The following OR9Q1 variants were observed in gnomAD, a reference collection of about 807,000 sequenced individuals.
OR9Q1 encodes the protein olfactory receptor family 9 subfamily Q member 1.
For synonymous variants in OR9Q1, 153 were observed against 148.6 expected (o/e 1.03, Z -0.22); for missense variants, 374 against 378.8 (o/e 0.99, Z 0.11).
intron 1 of OR9Q1, chr11:58,045,431 A>G (rs1365722508): frequency 2.0e-5 from 3 of 152,196 alleles, no homozygotes; most frequent in African/African-American, 7.2e-5. Flanking sequence ...ACAGGGTTTC[A>G]CCATATTGGC....
intron 1 of OR9Q1, among the ~76,000 whole-genome samples, chr11:58,045,497 G>T (rs556875451): frequency 9.2e-5 from 14 of 152,290 alleles, no homozygotes; most frequent in Admixed American, 3.9e-4. Context: ...GCCTCCAAAA[G>T]TGCTGAGATC....
chr11:58,119,142 G>A (rs758585477), intron 2 of OR9Q1: 10 of 1,613,908 alleles, frequency 6.2e-6, no homozygotes, highest in Non-Finnish European at 8.5e-6. Flanking sequence ...TGAATAAAAA[G>A]AACTGGGCAG....
intron 2 of OR9Q1, among the ~76,000 whole-genome samples, chr11:58,130,884 A>T (rs944701317): frequency 9.2e-5 from 14 of 152,130 alleles, no homozygotes; most frequent in Non-Finnish European, 1.8e-4. Flanking sequence ...AATGTCTATA[A>T]TCATTAATGT....
At chr11:58,110,047 T>C (rs1236103818) in intron 2 of OR9Q1, among the ~76,000 whole-genome samples, 2 of 152,154 alleles carry the variant, frequency 1.3e-5, no homozygotes, top group African/African-American at 4.8e-5. Flanking sequence ...TGTGGCTTCT[T>C]AGGCTGTGGC....
intron 2 of OR9Q1, among the ~76,000 whole-genome samples, chr11:58,178,902 T>TTATA (rs1191244945): frequency 6.9e-6 from 1 of 144,296 alleles, no homozygotes; most frequent in Non-Finnish European, 1.5e-5. Flanking sequence ...TATTTATATA[T>TTATA]TATATATATT....
chr11:58,145,439 C>G (rs570167655), intron 2 of OR9Q1: 2 of 152,304 alleles, frequency 1.3e-5, no homozygotes, highest in East Asian at 1.9e-4. Flanking sequence ...TGAGCCCCAT[C>G]AAGCCAGAAG....
chr11:58,086,772 C>A (rs1853637977), intron 2 of OR9Q1, among the ~76,000 whole-genome samples: 1 of 151,668 alleles, frequency 6.6e-6, no homozygotes, highest in Non-Finnish European at 1.5e-5. Flanking sequence ...ACAAAAATAC[C>A]ACATTTGTAT....
chr11:58,138,370 C>T (rs1854209087), intron 2 of OR9Q1, among the ~76,000 whole-genome samples: 2 of 152,130 alleles, frequency 1.3e-5, no homozygotes, highest in Non-Finnish European at 2.9e-5. Flanking sequence ...TGACTGTGGT[C>T]TTGGGAAAGT....
intron 2 of OR9Q1, among the ~76,000 whole-genome samples, chr11:58,111,869 G>A (rs534499693): frequency 1.0e-3 from 152 of 151,958 alleles, no homozygotes; most frequent in Non-Finnish European, 2.1e-3. Flanking sequence ...TGATTATTTA[G>A]CCACGAGTCC....
rs188005094 is a variant in OR9Q1 at position 58,086,226 on chromosome 11, G to T, written c.-15+30279G>T. ...GGACCGAAATATACATTTCTCAAAA[G>T]AAGACATACAAATGACCAACAGATA... On this transcript the variant is annotated intron_variant, in intron 2 of 2. Coordinates refer to ENST00000335397, the MANE Select transcript of OR9Q1 (RefSeq NM_001005212.4). Among the ~76,000 whole-genome samples, 10 of 151,852 alleles carry T rather than the reference G, an allele frequency of 6.6e-5. No individual in the cohort carries two copies. The East Asian group carries it at 1.7e-3, about 26-fold the overall frequency.
intron 2 of OR9Q1, among the ~76,000 whole-genome samples, chr11:58,132,119 G>A (rs1215777650): frequency 6.6e-6 from 1 of 152,208 alleles, no homozygotes; most frequent in Non-Finnish European, 1.5e-5. Flanking sequence ...CCACAAGGTA[G>A]AGCAATCTAC....
At chr11:58,098,046 G>A (rs547635324) in intron 2 of OR9Q1, among the ~76,000 whole-genome samples, 23 of 152,208 alleles carry the variant, frequency 1.5e-4, no homozygotes, top group African/African-American at 5.5e-4. Context: ...TATATATGTG[G>A]CAAAACTCTT....
chr11:58,155,481 G>C (rs1048131837), intron 2 of OR9Q1, among the ~76,000 whole-genome samples: 4 of 152,192 alleles, frequency 2.6e-5, no homozygotes, highest in Admixed American at 6.5e-5. Context: ...TCAGAGTCAT[G>C]CAAGTGCAGG....
intron 2 of OR9Q1, among the ~76,000 whole-genome samples, chr11:58,141,091 C>G (rs539100519): frequency 1.7e-3 from 262 of 152,272 alleles, no homozygotes; most frequent in African/African-American, 5.7e-3. Context: ...CTCTGTTTGT[C>G]TGTTATTGGT....
At chr11:58,156,474 T>C (rs1197025932) in intron 2 of OR9Q1, among the ~76,000 whole-genome samples, 1 of 152,200 alleles carries the variant, frequency 6.6e-6, no homozygotes, top group Non-Finnish European at 1.5e-5. Context: ...GATGTGTAGG[T>C]AATAAAATAG....
intron 2 of OR9Q1, among the ~76,000 whole-genome samples, chr11:58,073,950 G>C (rs1853514511): frequency 6.6e-6 from 1 of 152,126 alleles, no homozygotes; most frequent in East Asian, 1.9e-4. Context: ...ATGTCTTCCA[G>C]CTTCATCCAT....
chr11:58,128,531 C>CTGT (rs1854111002), intron 2 of OR9Q1, among the ~76,000 whole-genome samples: 1 of 152,082 alleles, frequency 6.6e-6, no homozygotes, highest in Non-Finnish European at 1.5e-5. Flanking sequence ...TGAACAGTAT[C>CTGT]TCACAGCTTA....
chr11:58,071,566 TC>T (rs1366422397), intron 2 of OR9Q1, among the ~76,000 whole-genome samples: 2 of 152,050 alleles, frequency 1.3e-5, no homozygotes, highest in Non-Finnish European at 2.9e-5. Flanking sequence ...GAGTTTGCAT[TC>T]CTTTGATTAA....
intron 2 of OR9Q1, chr11:58,119,549 T>A (rs956449052): frequency 2.7e-6 from 2 of 751,000 alleles, no homozygotes; most frequent in African/African-American, 3.5e-5. Context: ...TGGTTTTAAT[T>A]CTGGGTCTAT....
Sources: allele counts gnomAD v4.1 joint callset (sites outside exome capture counted in the v4.1 genomes callset), GRCh38; gene constraint gnomAD v4.1.1; transcripts MANE v1.5; gene names NCBI Gene and HGNC (gene_info 2026-07-23, HGNC 2026-07-21).